SHANK2: variants seen among roughly 807,000 people sequenced by gnomAD.
SHANK2 encodes SH3 and multiple ankyrin repeat domains 2, also known as SH3 and multiple ankyrin repeat domains protein 2.
In SHANK2, 43 loss-of-function variants were observed where a neutral mutation model predicts 133.7. The observed-to-expected ratio is 0.32, with a 90% CI of 0.25 to 0.41. The LOEUF is 0.41. SHANK2 is among the 10% of genes least tolerant of loss of function. The probability of loss-of-function intolerance (pLI) is 1.00; values close to 1 mark genes in which losing one functional copy is unlikely to be tolerated. For missense variants in SHANK2, 1,994 were observed against 2,235.8 expected, an observed-to-expected ratio of 0.89 and a Z score of 2.18; for synonymous variants, 1,017 against 952.8, an observed-to-expected ratio of 1.07 and a Z score of -1.24.
rs782463455 is a variant in SHANK2 at position 70,500,522 on chromosome 11, AG to A, written c.2308+47del. ...ATCACAAAGGATGTTTCTGTTCCAC[AG>A]GGGGGTGATGGGCAGGGGGCTGAGA... On this transcript the variant is annotated intron_variant, in intron 21 of 25. Transcript: ENST00000601538. The surrounding 1 kb of genome is among the most constrained non-coding windows in gnomAD (Gnocchi z 4.5). The A allele has an allele frequency of 1.2e-5, 19 of 1,587,206 alleles. No individual in the cohort carries two copies. Among genetic ancestry groups the A allele is most frequent in the African/African-American group, 9.4e-5 (7 of 74,424 alleles).
chr11:70,566,090 G>C (rs1158202206), intron 17 of SHANK2, among the ~76,000 whole-genome samples: 4 of 152,150 alleles, frequency 2.6e-5, no homozygotes, highest in African/African-American at 7.2e-5. Context: ...CCAAGAGAAA[G>C]GGGTTTCCCC....
chr11:70,657,636 C>G (rs2134247162), intron 17 of SHANK2, among the ~76,000 whole-genome samples: 1 of 152,296 alleles, frequency 6.6e-6, no homozygotes, highest in South Asian at 2.1e-4. Context: ...GGGCCCAGTG[C>G]TCCTTGGGTT....
intron 12 of SHANK2, among the ~76,000 whole-genome samples, chr11:70,818,978 G>A (rs1317399095): frequency 3.3e-5 from 5 of 152,204 alleles, no homozygotes; most frequent in Non-Finnish European, 5.9e-5. Context: ...GGGTGGTGGC[G>A]GTCTTCCTCC....
intron 22 of SHANK2, 84 bp downstream of exon 22, chr11:70,492,251 T>G: frequency 6.3e-7 from 1 of 1,576,924 alleles, no homozygotes; most frequent in Non-Finnish European, 8.6e-7. Context: ...TGAAAGCGTG[T>G]GCACCTCAGC....
chr11:71,085,544 ATATAACATAT>A lies in SHANK2; in HGVS notation c.912+6868_912+6877del, dbSNP rs1476434446. On this transcript the variant is annotated intron_variant, in intron 8 of 25. Transcript: ENST00000601538. ...TGCTATATATTATATTATATAAAAT[ATATAACATAT>A]TATATTATATAAAATATATATTATA... is the stretch of plus-strand genomic sequence containing the variant. Among the ~76,000 whole-genome samples, 56 of 99,670 alleles carry A rather than the reference ATATAACATAT, an allele frequency of 5.6e-4. No homozygotes were observed. The East Asian group carries it at 0.011, about 20-fold the overall frequency. 65.4% of individuals were successfully genotyped at this position (99,670 alleles called of 152,430 possible).
At chr11:70,886,201 C>T (rs1024077974) in intron 11 of SHANK2, among the ~76,000 whole-genome samples, 3 of 152,198 alleles carry the variant, frequency 2.0e-5, no homozygotes, top group African/African-American at 4.8e-5. Flanking sequence ...GTCACAGAGG[C>T]GGCCGACTGC....
chr11:71,082,599 C>T (rs1034640527), intron 8 of SHANK2, among the ~76,000 whole-genome samples: 5 of 152,262 alleles, frequency 3.3e-5, no homozygotes, highest in South Asian at 2.1e-4. Context: ...GGACCCAGAA[C>T]GACATAACGT....
intron 17 of SHANK2, among the ~76,000 whole-genome samples, chr11:70,572,428 C>G: frequency 6.6e-6 from 1 of 152,136 alleles, no homozygotes; most frequent in Non-Finnish European, 1.5e-5. Context: ...CCAAAGTGCT[C>G]GAATTACAGC....
At chr11:71,202,418 C>G (rs1954036159) in intron 2 of SHANK2, among the ~76,000 whole-genome samples, 2 of 152,196 alleles carry the variant, frequency 1.3e-5, no homozygotes, top group Admixed American at 6.5e-5. Context: ...TGACTGAACC[C>G]ATTTCAGAGA....
At chr11:70,805,192 C>A (rs1184389993) in intron 13 of SHANK2, among the ~76,000 whole-genome samples, 1 of 152,162 alleles carries the variant, frequency 6.6e-6, no homozygotes, top group Admixed American at 6.5e-5. Context: ...CCTTGGGCAT[C>A]AGTGAGCTCC....
At chr11:70,796,982 G>T (rs1555049267) in intron 14 of SHANK2, among the ~76,000 whole-genome samples, 2 of 152,218 alleles carry the variant, frequency 1.3e-5, no homozygotes, top group African/African-American at 2.4e-5. Flanking sequence ...CACCGGTTCT[G>T]AGAAGCTCTC....
chr11:71,113,117 G>A (rs1281214409), intron 5 of SHANK2, among the ~76,000 whole-genome samples, 176 bp downstream of exon 5: 1 of 152,144 alleles, frequency 6.6e-6, no homozygotes, highest in Non-Finnish European at 1.5e-5. Flanking sequence ...TCCCGGGTGG[G>A]TCTCCGCAGT....
At chr11:70,775,988 G>A (rs72933262) in intron 14 of SHANK2, among the ~76,000 whole-genome samples, 28,157 of 152,160 alleles carry the variant, frequency 0.19, 2,962 homozygotes, top group African/African-American at 0.26. Context: ...AGGTTGCAGC[G>A]GGGGCAGGGG....
At chr11:71,200,049 ATGT>A (rs1555116835) in intron 2 of SHANK2, among the ~76,000 whole-genome samples, 1 of 152,192 alleles carries the variant, frequency 6.6e-6, no homozygotes, top group African/African-American at 2.4e-5. Flanking sequence ...GTTTTTAGCC[ATGT>A]TGTGTAACCA....
chr11:70,601,543 G>T (rs901237888), intron 17 of SHANK2, among the ~76,000 whole-genome samples: 1 of 152,144 alleles, frequency 6.6e-6, no homozygotes, highest in South Asian at 2.1e-4. Flanking sequence ...GTGGAGACAG[G>T]GTTTCACCAT....
At chr11:71,204,396 C>T (rs1954085911) in intron 2 of SHANK2, among the ~76,000 whole-genome samples, 1 of 152,132 alleles carries the variant, frequency 6.6e-6, no homozygotes, top group South Asian at 2.1e-4. Context: ...GGACCCAGCG[C>T]ACCTCCCATC....
At position 71,229,765 on chromosome 11, in the gene SHANK2, G is replaced by GA. The variant is rs55730780; in HGVS notation, c.-112-4970dup. ...CAGAGTGAGACTCCATCTCAAAAAA[G>GA]AAAAAAAAAAAAAAAAAGAAAAAGA... On this transcript the variant is annotated intron_variant, in intron 1 of 25. Coordinates refer to ENST00000601538, the MANE Select transcript of SHANK2 (RefSeq NM_012309.5). Among the ~76,000 whole-genome samples, 165 of 116,558 alleles carry GA rather than the reference G, an allele frequency of 1.4e-3. 1 individual carries two copies. The highest frequency in any genetic ancestry group is 4.5e-3 in the Middle Eastern group (1 of 222). 76.5% of individuals were successfully genotyped at this position (116,558 alleles called of 152,430 possible). A position where few individuals can be genotyped will look rare whatever the true frequency, so the allele number is the denominator to read the frequency against.
intron 14 of SHANK2, among the ~76,000 whole-genome samples, chr11:70,721,934 C>T (rs773731209): frequency 2.2e-4 from 33 of 152,272 alleles, no homozygotes; most frequent in Non-Finnish European, 4.6e-4. Context: ...GAACTGCTCA[C>T]CAATTCCCCC....
chr11:70,738,326 C>G (rs1418864864), intron 14 of SHANK2, among the ~76,000 whole-genome samples: 1 of 152,238 alleles, frequency 6.6e-6, no homozygotes, highest in African/African-American at 2.4e-5. Flanking sequence ...AAGGCGCTCC[C>G]CTCTGTCTTC....
Sources: allele counts gnomAD v4.1 joint callset (sites outside exome capture counted in the v4.1 genomes callset), GRCh38; gene constraint gnomAD v4.1.1; non-coding constraint Gnocchi (gnomAD v3.1); transcripts MANE v1.5; gene names NCBI Gene and HGNC (gene_info 2026-07-23, HGNC 2026-07-21).